SCN8A: variants seen among roughly 807,000 people sequenced by gnomAD.
The protein encoded by SCN8A is sodium channel protein type 8 subunit alpha.
A neutral mutation model predicts 184.1 loss-of-function variants in SCN8A; 30 were observed. The observed-to-expected ratio is 0.16, with a 90% CI of 0.12 to 0.22. The LOEUF (loss-of-function observed/expected upper bound fraction) is 0.22, where lower values mean the gene tolerates loss of function less well. Among genes scored for constraint, SCN8A ranks in the 10% least tolerant of loss-of-function variants. The pLI, the probability that SCN8A is intolerant of heterozygous loss-of-function variation, is 1.00. For synonymous variants in SCN8A, 852 were observed against 907.0 expected (o/e 0.94, Z 1.09); for missense variants, 1,057 against 2,498.9 (o/e 0.42, Z 12.30).
chr12:51,713,711 A>AT, intron 11 of SCN8A: 1 of 398,558 alleles, frequency 2.5e-6, no homozygotes, highest in East Asian at 3.8e-5. Context: ...AGTTGAGCCT[A>AT]TTTTTTCAAA....
chr12:51,788,643 T>TGAA, intron 22 of SCN8A, 52 bp from the exon 23 acceptor site: 1 of 1,474,168 alleles, frequency 6.8e-7, no homozygotes, highest in Admixed American at 1.8e-5. Context: ...CTGCCTAGAC[T>TGAA]CCCATCCACT....
Position 51,745,941 on chromosome 12 carries a change from A to T in SCN8A, c.2037A>T (p.Gly679=). The change falls in exon 13 of 27, where the codon GGA becomes GGT. Residue 679 remains glycine (G), a synonymous_variant. Coordinates refer to ENST00000627620, the MANE Select transcript of SCN8A (RefSeq NM_001330260.2). The stretch of plus-strand genomic sequence containing the variant: ...TGGAAATTAAGAAGAAAGGCCCTGG[A>T]TCTCTTTTAGTTTCCATGGACCAAT... ...TEVEIKKKGP[G]SLLVSMDQLA... 6.2e-7 allele frequency: 1 copy of T among 1,605,218 alleles called. No individual in the cohort carries two copies. Among genetic ancestry groups the T allele is most frequent in the Non-Finnish European group, 8.5e-7 (1 of 1,176,732 alleles).
chr12:51,708,693 G>C (rs1435472125), intron 11 of SCN8A, among the ~76,000 whole-genome samples: 3 of 151,994 alleles, frequency 2.0e-5, no homozygotes, highest in African/African-American at 7.2e-5. Flanking sequence ...CCTTATCTTA[G>C]TTTTGGCTTT....
At chr12:51,678,551 C>T (rs1023463217) in intron 2 of SCN8A, among the ~76,000 whole-genome samples, 1 of 152,204 alleles carries the variant, frequency 6.6e-6, no homozygotes, top group African/African-American at 2.4e-5. Context: ...CATCAGGCAG[C>T]CCTCTCTCTT....
At chr12:51,760,112 A>G (rs777069538) in intron 14 of SCN8A, among the ~76,000 whole-genome samples, 3 of 152,218 alleles carry the variant, frequency 2.0e-5, no homozygotes, top group Non-Finnish European at 2.9e-5. Flanking sequence ...TTAAGTTTTA[A>G]TACATGAACT....
chr12:51,719,839 G>A (rs1051961201), intron 11 of SCN8A, among the ~76,000 whole-genome samples: 11 of 152,276 alleles, frequency 7.2e-5, no homozygotes, highest in African/African-American at 2.4e-4. Flanking sequence ...CACTTTGGGA[G>A]GCCGAGGCGG....
Position 51,715,898 on chromosome 12 carries a change from A to G in SCN8A, c.1636-5648A>G, listed in dbSNP as rs556926888. ...AAGCTGCAGTACCTAATCTAAGTGCATGTTAATTAAGTTAAACATTGTAGT... is the reference window on the plus strand; with the variant it reads ...AAGCTGCAGTACCTAATCTAAGTGCGTGTTAATTAAGTTAAACATTGTAGT... On this transcript the variant is annotated intron_variant, in intron 11 of 26. Coordinates refer to ENST00000627620, the MANE Select transcript of SCN8A (RefSeq NM_001330260.2). Among the ~76,000 whole-genome samples the G allele has an allele frequency of 3.9e-5, 6 of 152,286 alleles. No homozygotes were observed. The South Asian group carries it at 1.2e-3, about 32-fold the overall frequency.
intron 19 of SCN8A, among the ~76,000 whole-genome samples, chr12:51,773,138 A>G (rs992084906): frequency 6.6e-6 from 1 of 151,858 alleles, no homozygotes. Context: ...AAAGAGAGAA[A>G]GTGGAGCACC....
Position 51,786,817 on chromosome 12 carries a change from T to C in SCN8A, c.4218T>C (p.Leu1406=), listed in dbSNP as rs768214178. 1.5e-5 allele frequency: 24 copies of C among 1,613,024 alleles called. No individual in the cohort carries two copies. The highest frequency in any genetic ancestry group is 1.9e-5 in the Non-Finnish European group (23 of 1,179,736). The change falls in exon 22 of 27, where the codon CTT becomes CTC. Residue 1406 remains leucine, a synonymous_variant. Coordinates refer to ENST00000627620, the MANE Select transcript of SCN8A (RefSeq NM_001330260.2). The stretch of plus-strand genomic sequence containing the variant: ...ATGTTGGGGCAGGATACCTGGCCCT[T>C]CTTCAAGTAGTAAGTAGTGTTTTTG... ...FDNVGAGYLA[L]LQVATFKGWM...
chr12:51,717,688 T>G (rs1006048677), intron 11 of SCN8A, among the ~76,000 whole-genome samples: 12 of 152,206 alleles, frequency 7.9e-5, no homozygotes, highest in Admixed American at 7.2e-4. Flanking sequence ...ATGTGTCCTT[T>G]TAACACACAG....
chr12:51,803,871 G>A (rs1400114810), intron 26 of SCN8A, among the ~76,000 whole-genome samples: 1 of 152,138 alleles, frequency 6.6e-6, no homozygotes, highest in East Asian at 1.9e-4. Flanking sequence ...TACTTGACCC[G>A]CTCGCTGAAC....
At chr12:51,667,183 T>A (rs1941048560) in intron 2 of SCN8A, among the ~76,000 whole-genome samples, 1 of 152,214 alleles carries the variant, frequency 6.6e-6, no homozygotes, top group African/African-American at 2.4e-5. Flanking sequence ...TCTGTCTATT[T>A]CCTATCTCCC....
chr12:51,790,716 C>A (rs148500012), intron 25 of SCN8A, among the ~76,000 whole-genome samples: 1 of 152,272 alleles, frequency 6.6e-6, no homozygotes, highest in African/African-American at 2.4e-5. Context: ...TCCTCTGAGC[C>A]TTCCTTGGGC....
chr12:51,601,721 T>C (rs1286514073), intron 1 of SCN8A, among the ~76,000 whole-genome samples: 1 of 149,160 alleles, frequency 6.7e-6, no homozygotes, highest in Non-Finnish European at 1.5e-5. Flanking sequence ...GTCTTTCACC[T>C]CGCACTTCTC....
chr12:51,684,126 G>A (rs1230213620), intron 2 of SCN8A, 48 bp from the exon 3 acceptor site: 1 of 894,264 alleles, frequency 1.1e-6, no homozygotes, highest in Non-Finnish European at 1.9e-6. Context: ...TTCATGTGGT[G>A]ACTCATACCC....
intron 21 of SCN8A, among the ~76,000 whole-genome samples, chr12:51,782,998 A>T (rs868575752): frequency 6.6e-6 from 1 of 152,258 alleles, no homozygotes; most frequent in Admixed American, 6.5e-5. Context: ...GTAAGATAAT[A>T]TGGTCAAGAA....
At chr12:51,644,035 A>G (rs1452825589) in intron 1 of SCN8A, among the ~76,000 whole-genome samples, 1 of 152,248 alleles carries the variant, frequency 6.6e-6, no homozygotes, top group Non-Finnish European at 1.5e-5. Context: ...TATTCAACAC[A>G]TAATTATTTG....
intron 2 of SCN8A, among the ~76,000 whole-genome samples, chr12:51,673,314 T>A (rs1941164637): frequency 6.6e-6 from 1 of 152,212 alleles, no homozygotes. Context: ...GCAAATACAA[T>A]ATCATCTTAT....
chr12:51,704,693 G>T (rs1941750672), intron 9 of SCN8A, among the ~76,000 whole-genome samples: 1 of 146,484 alleles, frequency 6.8e-6, no homozygotes, highest in East Asian at 2.1e-4. Flanking sequence ...AAAAAAATGG[G>T]TCCGGGCGTG....
Sources: allele counts gnomAD v4.1 joint callset (sites outside exome capture counted in the v4.1 genomes callset), GRCh38; gene constraint gnomAD v4.1.1; transcripts MANE v1.5; gene names NCBI Gene and HGNC (gene_info 2026-07-23, HGNC 2026-07-21).